The following ZNF804B variants were observed in gnomAD, a reference collection of about 807,000 sequenced individuals.
ZNF804B encodes zinc finger 804B.
In ZNF804B, 80 loss-of-function variants were observed where a neutral mutation model predicts 101.4. The observed-to-expected ratio is 0.79, with a 90% CI of 0.66 to 0.95. The LOEUF is 0.95. Ranked by LOEUF, ZNF804B falls within the 40% of genes least tolerant of loss-of-function variation. The pLI, the probability that ZNF804B is intolerant of heterozygous loss-of-function variation, is 0.00. For missense variants in ZNF804B, 1,673 were observed against 1,561.9 expected (o/e 1.07, Z -1.20); for synonymous variants, 622 against 558.8 (o/e 1.11, Z -1.59).
intron 2 of ZNF804B, among the ~76,000 whole-genome samples, chr7:89,301,778 T>C (rs1445313287): frequency 6.6e-6 from 1 of 151,844 alleles, no homozygotes; most frequent in Non-Finnish European, 1.5e-5. Flanking sequence ...ACTTAATAGA[T>C]GCGTGACCCC....
At position 88,759,762 on chromosome 7, in the gene ZNF804B, C is replaced by T; in HGVS notation, c.-215C>T. 5.3e-6 allele frequency: 3 copies of T among 569,428 alleles called. No individual in the cohort carries two copies. Among genetic ancestry groups the T allele is most frequent in the Non-Finnish European group, 9.4e-6 (3 of 317,624 alleles). The allele number at this position is 569,428 out of a possible 1,614,324, so 35.3% of individuals were successfully genotyped here. On this transcript the variant is annotated 5_prime_UTR_variant, in exon 1 of 4. Transcript: ENST00000333190. ...GGGTCCCCTCCGTGCTCTGTGCTGT[C>T]GCCGCCGCCGCCTCTGTCAGAGCAG...
intron 1 of ZNF804B, among the ~76,000 whole-genome samples, chr7:88,930,276 G>A (rs940456785): frequency 1.3e-5 from 2 of 151,866 alleles, no homozygotes; most frequent in African/African-American, 4.8e-5. Flanking sequence ...GGATATAGTT[G>A]CAAAAATTAA....
At chr7:89,293,220 G>A (rs1790324631) in intron 2 of ZNF804B, among the ~76,000 whole-genome samples, 2 of 151,362 alleles carry the variant, frequency 1.3e-5, no homozygotes, top group Admixed American at 6.6e-5. Flanking sequence ...TTTTCTTTTA[G>A]CTTTTTTGAA....
At position 89,218,815 on chromosome 7, in the gene ZNF804B, A is replaced by T. The variant is rs367774555; in HGVS notation, c.249+520A>T. Reference sequence around the variant, plus strand: ...ATTAAGAAAATAAGGAATAGAAAATATTGTTACTATTCATTAAGTGGAAGT... The same window carrying T: ...ATTAAGAAAATAAGGAATAGAAAATTTTGTTACTATTCATTAAGTGGAAGT... On this transcript the variant is annotated intron_variant, in intron 2 of 3. Transcript: ENST00000333190. Among the ~76,000 whole-genome samples the T allele has an allele frequency of 2.0e-5, 3 of 152,246 alleles. No homozygotes were observed. In the South Asian group the frequency reaches 6.2e-4, roughly 32 times the overall value.
At position 89,325,979 on chromosome 7, in the gene ZNF804B, C is replaced by T. The variant is rs562315526; in HGVS notation, c.250-1365C>T. 2.8e-3 allele frequency among the ~76,000 whole-genome samples: 425 copies of T among 152,000 alleles called. 1 individual carries two copies. The highest frequency in any genetic ancestry group is 4.5e-3 in the Non-Finnish European group (309 of 67,918). ...GTCCGAGGAAGTGAGTAGCAGGGTA[C>T]GTAGCAATAAGGATTTTATAAGCCT... On this transcript the variant is annotated intron_variant, in intron 2 of 3. Transcript: ENST00000333190.
At chr7:88,826,873 A>C (rs770798545) in intron 1 of ZNF804B, among the ~76,000 whole-genome samples, 1 of 152,116 alleles carries the variant, frequency 6.6e-6, no homozygotes, top group East Asian at 1.9e-4. Flanking sequence ...ATTAATCAGA[A>C]GATTTATATG....
chr7:89,335,770 G>A lies in ZNF804B; in HGVS notation c.2788G>A (p.Glu930Lys). ...CCCTCTAACAGCAAAAATCCTTTTA[G>A]AAAGAGTACAAGCCAAGAAATGTCA... Reference protein sequence around the residue: ...RTPLTAKILLERVQAKKCQEQ... With the variant: ...RTPLTAKILLKRVQAKKCQEQ... The change falls in exon 4 of 4, where the codon GAA becomes AAA. Residue 930 changes from glutamate to lysine, a missense_variant. Coordinates refer to ENST00000333190, the MANE Select transcript of ZNF804B (RefSeq NM_181646.5). 6.2e-7 allele frequency: 1 copy of A among 1,614,026 alleles called. No individual in the cohort carries two copies.
intron 2 of ZNF804B, among the ~76,000 whole-genome samples, chr7:89,311,698 A>T (rs750460359): frequency 3.3e-5 from 5 of 152,176 alleles, no homozygotes; most frequent in Non-Finnish European, 5.9e-5. Flanking sequence ...CCCTGTGACT[A>T]CTACTACTAA....
chr7:89,273,723 G>A (rs1283230468), intron 2 of ZNF804B, among the ~76,000 whole-genome samples: 1 of 152,068 alleles, frequency 6.6e-6, no homozygotes, highest in Non-Finnish European at 1.5e-5. Flanking sequence ...TTTTATTGAT[G>A]TGCCATTGCA....
intron 1 of ZNF804B, among the ~76,000 whole-genome samples, chr7:89,001,499 C>T (rs530358136): frequency 2.5e-4 from 38 of 151,830 alleles, no homozygotes; most frequent in African/African-American, 8.9e-4. Flanking sequence ...CAGTTCAAGG[C>T]GTAGTTATCT....
intron 1 of ZNF804B, among the ~76,000 whole-genome samples, chr7:88,977,066 C>T (rs1441147198): frequency 6.6e-6 from 1 of 151,748 alleles, no homozygotes; most frequent in African/African-American, 2.4e-5. Flanking sequence ...ACCATTCTTA[C>T]ATTACTGCGA....
At chr7:88,863,055 G>A (rs1177193148) in intron 1 of ZNF804B, among the ~76,000 whole-genome samples, 1 of 152,150 alleles carries the variant, frequency 6.6e-6, no homozygotes, top group African/African-American at 2.4e-5. Flanking sequence ...AGGCCCTGCA[G>A]TGGTCTAATC....
chr7:88,780,386 C>CTTTTTTTT lies in ZNF804B; in HGVS notation c.108+20315_108+20322dup, dbSNP rs34619990. ...AAATTAATGGTAAATACTTTTTTGT[C>CTTTTTTTT]TTTTTTTTTTTTTTTTTTTTGAGAG... On this transcript the variant is annotated intron_variant, in intron 1 of 3. Transcript: ENST00000333190. Among the ~76,000 whole-genome samples the CTTTTTTTT allele has an allele frequency of 5.4e-5, 6 of 111,198 alleles. 2 individuals carry two copies. Among genetic ancestry groups the CTTTTTTTT allele is most frequent in the African/African-American group, 1.8e-4 (5 of 28,548 alleles). 73.0% of individuals were successfully genotyped at this position (111,198 alleles called of 152,430 possible). A position where few individuals can be genotyped will look rare whatever the true frequency, so the allele number is the denominator to read the frequency against.
intron 2 of ZNF804B, among the ~76,000 whole-genome samples, chr7:89,326,085 A>T (rs1305205108): frequency 6.6e-6 from 1 of 151,920 alleles, no homozygotes; most frequent in Non-Finnish European, 1.5e-5. Flanking sequence ...AGAACTATTG[A>T]TCTTTTTTTT....
intron 1 of ZNF804B, among the ~76,000 whole-genome samples, chr7:88,973,504 G>T (rs1179783505): frequency 6.6e-6 from 1 of 150,906 alleles, no homozygotes; most frequent in Admixed American, 6.6e-5. Context: ...ACTTAACTGT[G>T]CTTTTTAATT....
chr7:89,234,572 C>G (rs1789249783), intron 2 of ZNF804B, among the ~76,000 whole-genome samples: 1 of 152,072 alleles, frequency 6.6e-6, no homozygotes, highest in South Asian at 2.1e-4. Context: ...GAGGGCATTT[C>G]CAGAGGAAAT....
At chr7:88,782,106 T>C (rs1586900399) in intron 1 of ZNF804B, among the ~76,000 whole-genome samples, 2 of 97,344 alleles carry the variant, frequency 2.1e-5, no homozygotes, top group South Asian at 5.3e-4. Flanking sequence ...TGAGTGCGTG[T>C]GTGTGTGTGT....
At chr7:88,800,682 T>A (rs935824030) in intron 1 of ZNF804B, among the ~76,000 whole-genome samples, 1 of 139,802 alleles carries the variant, frequency 7.2e-6, no homozygotes, top group African/African-American at 2.7e-5. Flanking sequence ...AATTAAAAAA[T>A]AGATATGATT....
At chr7:89,159,805 C>A (rs1188619968) in intron 1 of ZNF804B, among the ~76,000 whole-genome samples, 2 of 152,114 alleles carry the variant, frequency 1.3e-5, no homozygotes, top group Non-Finnish European at 2.9e-5. Context: ...GGTCTACAGT[C>A]CTGCTTTCGT....
Sources: allele counts gnomAD v4.1 joint callset (sites outside exome capture counted in the v4.1 genomes callset), GRCh38; gene constraint gnomAD v4.1.1; transcripts MANE v1.5; gene names NCBI Gene and HGNC (gene_info 2026-07-23, HGNC 2026-07-21).